MAN2A2: variants seen among roughly 807,000 people sequenced by gnomAD.
The protein encoded by MAN2A2 is mannosidase alpha class 2A member 2.
In MAN2A2, 79 loss-of-function variants were observed where a neutral mutation model predicts 126.8. The ratio of observed to expected loss-of-function variants is 0.62; its 90% CI spans 0.52 to 0.75. The LOEUF (loss-of-function observed/expected upper bound fraction) is 0.75, where lower values mean the gene tolerates loss of function less well. Ranked by LOEUF, MAN2A2 falls within the 30% of genes least tolerant of loss-of-function variation. MAN2A2 has a pLI of 0.00. For missense variants in MAN2A2, 1,392 were observed against 1,522.4 expected (o/e 0.91, Z 1.43); for synonymous variants, 671 against 618.7 (o/e 1.08, Z -1.25).
intron 14 of MAN2A2, 114 bp from the exon 15 acceptor site, chr15:90,911,929 C>A: frequency 1.2e-6 from 1 of 817,038 alleles, no homozygotes; most frequent in Non-Finnish European, 2.0e-6. Flanking sequence ...GGAGGAGGGG[C>A]AGAGGCCCAG....
chr15:90,902,593 G>C (rs541294602), upstream of MAN2A2: 4 of 152,116 alleles, frequency 2.6e-5, no homozygotes, highest in Non-Finnish European at 5.9e-5. Context: ...GGCCCGGCCC[G>C]GGCTGGTGCG....
intron 1 of MAN2A2, chr15:90,903,773 C>G (rs983307172): frequency 1.4e-5 from 4 of 295,652 alleles, no homozygotes; most frequent in Non-Finnish European, 2.0e-5. Flanking sequence ...CTGAGAAAGG[C>G]TTTCCTATCA....
chr15:90,905,994 C>T lies in MAN2A2; in HGVS notation c.685C>T (p.Gln229Ter). 2 of 1,613,934 alleles carry T rather than the reference C, an allele frequency of 1.2e-6. No homozygotes were observed. Among genetic ancestry groups the T allele is most frequent in the East Asian group, 2.2e-5 (1 of 44,880 alleles). ...FAKWWDNINV[Q>*]KRAAVRRLVG... ...CAAGTGGTGGGACAACATCAATGTCCAAAAGAGAGCGGCAGTCCGAAGGCC... is the reference window on the plus strand; with the variant it reads ...CAAGTGGTGGGACAACATCAATGTCTAAAAGAGAGCGGCAGTCCGAAGGCC... The change falls in exon 5 of 23, where the codon CAA becomes TAA. Residue 229 changes from glutamine (Q) to a stop codon, truncating the protein, a stop_gained. Transcript: ENST00000559717. LOFTEE classifies it high-confidence loss of function.
intron 7 of MAN2A2, 51 bp downstream of exon 7, chr15:90,906,964 G>T (rs373481089): frequency 7.5e-6 from 12 of 1,590,904 alleles, no homozygotes; most frequent in Non-Finnish European, 9.4e-6. Context: ...CTTCACTGGG[G>T]AACAGCAGGG....
intron 2 of MAN2A2, 101 bp from the exon 3 acceptor site, chr15:90,905,150 G>A: frequency 7.6e-7 from 1 of 1,317,964 alleles, no homozygotes; most frequent in Non-Finnish European, 1.1e-6. Context: ...TTTGACTGAT[G>A]AGGGAAGAAT....
Position 90,916,117 on chromosome 15 carries a change from C to A in MAN2A2, c.2861-6C>A. The A allele has an allele frequency of 6.2e-7, 1 of 1,613,762 alleles. No homozygotes were observed. Among genetic ancestry groups the A allele is most frequent in the South Asian group, 1.1e-5 (1 of 91,078 alleles). ...GCGGGCCAGCACTCACTGTTTGCTT[C>A]CCCAGGCCAGCTGGAGGTGATCTTG... On this transcript the variant is annotated splice_polypyrimidine_tract_variant and splice_region_variant and intron_variant, in intron 19 of 22. Transcript: ENST00000559717.
In MAN2A2 at chr15:90,905,409, C is replaced by T. The variant is rs1240311480; in HGVS notation, c.291C>T (p.Ser97=). The T allele has an allele frequency of 6.2e-7, 1 of 1,613,874 alleles. No individual in the cohort carries two copies. The highest frequency in any genetic ancestry group is 1.7e-5 in the Admixed American group (1 of 60,022). ...AMLPYYTVNG[S]WVVPPEPRPS... is the part of the protein sequence containing the mutation. ...TGCCCTACTACACGGTCAATGGCTCCTGGGTGGTGCCACCGGAGCCCCGGC... is the reference window on the plus strand; with the variant it reads ...TGCCCTACTACACGGTCAATGGCTCTTGGGTGGTGCCACCGGAGCCCCGGC... Residue 97 remains serine (S), a synonymous_variant, in exon 3 of 23, where the codon TCC becomes TCT. Coordinates refer to ENST00000559717, the MANE Select transcript of MAN2A2 (RefSeq NM_006122.4).
chr15:90,911,944 T>C, intron 14 of MAN2A2, 99 bp from the exon 15 acceptor site: 1 of 953,800 alleles, frequency 1.0e-6, no homozygotes, highest in Non-Finnish European at 1.6e-6. Context: ...GCCCAGCGGG[T>C]GCAGGGGCTT....
rs2034318357 is a variant in MAN2A2 at position 90,906,686 on chromosome 15, G to A, written c.836-54G>A. ...GGGTCCCAGCACCTGGAAGGCCGGG[G>A]GGCCAGCCCCTGAGGTGTGTTCAGG... On this transcript the variant is annotated intron_variant, in intron 6 of 22. Coordinates refer to ENST00000559717, the MANE Select transcript of MAN2A2 (RefSeq NM_006122.4). The A allele has an allele frequency of 6.9e-6, 11 of 1,594,150 alleles. No homozygotes were observed. The South Asian group carries it at 1.1e-4, about 16-fold the overall frequency.
rs756803679 is a variant in MAN2A2 at position 90,919,721 on chromosome 15, G to A, written c.3387G>A (p.Pro1129=). The A allele has an allele frequency of 7.2e-5, 116 of 1,614,142 alleles. No individual in the cohort carries two copies. The highest frequency in any genetic ancestry group is 4.9e-4 in the Middle Eastern group (3 of 6,062). Reference sequence around the variant, plus strand: ...CGTTACTGTACCCTCTGGCCTCCCCGTCCAACAGCACTGACGTCTATTTGG... The same window carrying A: ...CGTTACTGTACCCTCTGGCCTCCCCATCCAACAGCACTGACGTCTATTTGG... ...SLTLLYPLAS[P]SNSTDVYLEP... is the part of the protein sequence containing the mutation. The change falls in exon 23 of 23, where the codon CCG becomes CCA. Residue 1129 remains proline (P), a synonymous_variant. Coordinates refer to ENST00000559717, the MANE Select transcript of MAN2A2 (RefSeq NM_006122.4).
intron 7 of MAN2A2, 133 bp downstream of exon 7, chr15:90,907,046 T>A: frequency 8.4e-7 from 1 of 1,188,106 alleles, no homozygotes; most frequent in Non-Finnish European, 1.2e-6. Flanking sequence ...CCAGAAATGG[T>A]CGCACCCTCT....
At chr15:90,910,404 T>C (rs1393414204) in intron 10 of MAN2A2, 97 bp from the exon 11 acceptor site, 1 of 1,566,494 alleles carries the variant, frequency 6.4e-7, no homozygotes, top group Non-Finnish European at 8.7e-7. Context: ...CCAGGGCAGG[T>C]AGAGGAGGGG....
chr15:90,914,558 C>T (rs1046058612), intron 19 of MAN2A2, among the ~76,000 whole-genome samples: 6 of 152,102 alleles, frequency 3.9e-5, no homozygotes, highest in African/African-American at 9.6e-5. Context: ...TTCACTCTTT[C>T]GCCCAGGCTG....
In MAN2A2 at chr15:90,918,355, C is replaced by A. The variant is rs2035346460; in HGVS notation, c.3156C>A (p.Phe1052Leu). The stretch of plus-strand genomic sequence containing the variant: ...TGGCTTCCTCACTGCCCTGTGACTT[C>A]CACCTGCTCAACCTACGTACGCTCC... Reference protein sequence around the residue: ...HPLASSLPCDFHLLNLRTLQA... With the variant: ...HPLASSLPCDLHLLNLRTLQA... The change falls in exon 21 of 23, where the codon TTC (phenylalanine) becomes TTA (leucine). Residue 1052 changes from phenylalanine (F) to leucine (L), a missense_variant. By Grantham distance (22) the Phe-to-Leu change is conservative. Transcript: ENST00000559717. The A allele has an allele frequency of 3.7e-6, 6 of 1,614,184 alleles. No homozygotes were observed. The East Asian group carries it at 1.3e-4, about 36-fold the overall frequency.
intron 1 of MAN2A2, chr15:90,903,984 C>G (rs1393957465): frequency 1.6e-6 from 1 of 613,172 alleles, no homozygotes; most frequent in Non-Finnish European, 3.0e-6. Context: ...TAGCACCAGC[C>G]AAAGGAGAGC....
intron 20 of MAN2A2, among the ~76,000 whole-genome samples, chr15:90,917,041 A>G (rs2035241525): frequency 6.6e-6 from 1 of 152,228 alleles, no homozygotes; most frequent in South Asian, 2.1e-4. Flanking sequence ...AGGAAAGACA[A>G]CAGGCTGGGG....
rs1018408898 is a variant in MAN2A2 at position 90,919,964 on chromosome 15, AC to A, written c.*180del. ...GCTGTGTTTTCGGCGCAACCCACAA[AC>A]CCAGTGATGGGTAAATAGGGCAGAC... On this transcript the variant is annotated 3_prime_UTR_variant, in exon 23 of 23. Coordinates refer to ENST00000559717, the MANE Select transcript of MAN2A2 (RefSeq NM_006122.4). 2 of 702,912 alleles carry A rather than the reference AC, an allele frequency of 2.8e-6. No individual in the cohort carries two copies. Among genetic ancestry groups the A allele is most frequent in the East Asian group, 2.8e-5 (1 of 35,706 alleles). 43.5% of individuals were successfully genotyped at this position (702,912 alleles called of 1,614,324 possible). A position where few individuals can be genotyped will look rare whatever the true frequency, so the allele number is the denominator to read the frequency against.
intron 19 of MAN2A2, 84 bp downstream of exon 19, chr15:90,913,839 C>T (rs2034969546): frequency 2.1e-6 from 3 of 1,452,000 alleles, no homozygotes; most frequent in African/African-American, 2.9e-5. Flanking sequence ...GCTCTGTTGG[C>T]CTCCCTTGCC....
chr15:90,921,118 A>G lies in MAN2A2; in HGVS notation c.*1331A>G, dbSNP rs2035524840. 1 of 152,200 alleles carries G rather than the reference A, an allele frequency of 6.6e-6. No individual in the cohort carries two copies. 9.4% of individuals were successfully genotyped at this position (152,200 alleles called of 1,614,324 possible). A position where few individuals can be genotyped will look rare whatever the true frequency, so the allele number is the denominator to read the frequency against. On this transcript the variant is annotated 3_prime_UTR_variant, in exon 23 of 23. Coordinates refer to ENST00000559717, the MANE Select transcript of MAN2A2 (RefSeq NM_006122.4). ...TCCCGGCACTACTAACCCCTGCAAC[A>G]AGCCAGATGAGGAACATAAGGAAGA... is the stretch of plus-strand genomic sequence containing the variant.
Sources: allele counts gnomAD v4.1 joint callset (sites outside exome capture counted in the v4.1 genomes callset), GRCh38; gene constraint gnomAD v4.1.1; transcripts MANE v1.5; gene names NCBI Gene and HGNC (gene_info 2026-07-23, HGNC 2026-07-21).